C12orf75: variants seen among roughly 807,000 people sequenced by gnomAD.
The protein encoded by C12orf75 is overexpressed in colon carcinoma 1 protein.
A neutral mutation model predicts 11.4 loss-of-function variants in C12orf75; 4 were observed. The observed-to-expected ratio is 0.35, with a 90% CI of 0.17 to 0.80. The LOEUF is 0.80. C12orf75 is among the 30% of genes least tolerant of loss of function. C12orf75 has a pLI of 0.52. For missense variants in C12orf75, 89 were observed against 80.4 expected (o/e 1.11, Z -0.41); for synonymous variants, 30 against 30.0 (o/e 1.00, Z 0.00).
At chr12:105,361,219 T>C (rs1211682541) in intron 2 of C12orf75, among the ~76,000 whole-genome samples, 1 of 152,134 alleles carries the variant, frequency 6.6e-6, no homozygotes, top group Non-Finnish European at 1.5e-5. Flanking sequence ...TCTGTGTTCT[T>C]AGTAGAGATA....
At chr12:105,334,125 G>T (rs7954485) in intron 1 of C12orf75, among the ~76,000 whole-genome samples, 27,844 of 152,154 alleles carry the variant, frequency 0.18, 2,890 homozygotes, top group Non-Finnish European at 0.24. Context: ...TAGTGAGATG[G>T]ATCAGCCCCT....
At chr12:105,337,183 G>A (rs1892508614) in intron 1 of C12orf75, among the ~76,000 whole-genome samples, 1 of 152,118 alleles carries the variant, frequency 6.6e-6, no homozygotes, top group Non-Finnish European at 1.5e-5. Flanking sequence ...AATTAACCAG[G>A]CGTGGTGGCG....
At chr12:105,342,283 T>G (rs916960303) in intron 1 of C12orf75, among the ~76,000 whole-genome samples, 1 of 151,956 alleles carries the variant, frequency 6.6e-6, no homozygotes, top group Admixed American at 6.5e-5. Flanking sequence ...GGGGGACGAA[T>G]GGAATGGGTT....
chr12:105,334,905 C>T (rs190697693), intron 1 of C12orf75, among the ~76,000 whole-genome samples: 273 of 152,304 alleles, frequency 1.8e-3, no homozygotes, highest in Non-Finnish European at 2.0e-3. Context: ...TTTATGTAAA[C>T]CAGAAAATCC....
intron 1 of C12orf75, among the ~76,000 whole-genome samples, chr12:105,341,003 C>T (rs1186904106): frequency 6.6e-6 from 1 of 152,124 alleles, no homozygotes; most frequent in East Asian, 1.9e-4. Context: ...TTCTGGCCTC[C>T]AGATCTATGA....
At chr12:105,357,912 A>G (rs1160190393) in intron 2 of C12orf75, among the ~76,000 whole-genome samples, 1 of 151,884 alleles carries the variant, frequency 6.6e-6, no homozygotes, top group Non-Finnish European at 1.5e-5. Flanking sequence ...TGGTGCGATC[A>G]TGACTCACTG....
At chr12:105,367,362 G>T in intron 4 of C12orf75, 110 bp from the exon 5 acceptor site, 1 of 420,886 alleles carries the variant, frequency 2.4e-6, no homozygotes, top group Non-Finnish European at 4.5e-6. Flanking sequence ...TGTACTTTGT[G>T]ATTTAGACTA....
chr12:105,366,426 TTA>T, intron 3 of C12orf75, 189 bp from the exon 4 acceptor site: 1 of 395,652 alleles, frequency 2.5e-6, no homozygotes, highest in East Asian at 3.7e-5. Flanking sequence ...TTTCTTTTTT[TTA>T]AAAAAAATAG....
At chr12:105,363,922 G>A (rs1017056988) in intron 2 of C12orf75, among the ~76,000 whole-genome samples, 4 of 152,130 alleles carry the variant, frequency 2.6e-5, no homozygotes, top group Admixed American at 6.5e-5. Context: ...AAGATATTGA[G>A]TAATTTAACA....
intron 1 of C12orf75, among the ~76,000 whole-genome samples, chr12:105,342,762 C>G (rs989798071): frequency 6.6e-6 from 1 of 152,218 alleles, no homozygotes; most frequent in African/African-American, 2.4e-5. Context: ...TCACTCATCA[C>G]TCAGGAAATT....
intron 1 of C12orf75, among the ~76,000 whole-genome samples, chr12:105,339,626 CT>C (rs1010773682): frequency 2.7e-5 from 4 of 150,486 alleles, no homozygotes; most frequent in East Asian, 1.9e-4. Flanking sequence ...TTCTTTCTTT[CT>C]TTTTTTTTGA....
rs1892410670 is a variant in C12orf75, at chr12:105,330,805, CG to C, written c.-83del. 1 of 1,203,018 alleles carries C rather than the reference CG, an allele frequency of 8.3e-7. No individual in the cohort carries two copies. The highest frequency in any genetic ancestry group is 1.6e-5 in the African/African-American group (1 of 63,222). The allele number at this position is 1,203,018 out of a possible 1,614,324, so 74.5% of individuals were successfully genotyped here. On this transcript the variant is annotated 5_prime_UTR_variant, in exon 1 of 6. Coordinates refer to ENST00000443585, the MANE Select transcript of C12orf75 (RefSeq NM_001145199.2). The stretch of plus-strand genomic sequence containing the variant: ...CTCGCGGCCCCGTCAGCCTCCCGCT[CG>C]GGGTGCGCCGCCCTTCGTCTGGGTC...
chr12:105,330,859 C>T lies in C12orf75; in HGVS notation c.-33C>T, dbSNP rs1892411872. 3.2e-6 allele frequency: 4 copies of T among 1,252,474 alleles called. No individual in the cohort carries two copies. Among genetic ancestry groups the T allele is most frequent in the East Asian group, 3.2e-5 (1 of 31,014 alleles). The allele number at this position is 1,252,474 out of a possible 1,614,324, so 77.6% of individuals were successfully genotyped here. ...CGCCCCCAGGACCCGCGGCCGAGAG[C>T]TCCGGAGCGCGGCTTCCCCGGCCGG... On this transcript the variant is annotated 5_prime_UTR_variant, in exon 1 of 6. Transcript: ENST00000443585.
At chr12:105,356,439 C>CTTTTTTTTT (rs77310165) in intron 2 of C12orf75, among the ~76,000 whole-genome samples, 171 of 106,288 alleles carry the variant, frequency 1.6e-3, no homozygotes, top group Non-Finnish European at 2.6e-3. Context: ...AGACTACAGG[C>CTTTTTTTTT]TTTTTTTTTT....
chr12:105,347,499 G>C (rs563409825), intron 1 of C12orf75, among the ~76,000 whole-genome samples: 1 of 152,336 alleles, frequency 6.6e-6, no homozygotes, highest in South Asian at 2.1e-4. Flanking sequence ...GAAGAACATG[G>C]AGTCCGATAT....
chr12:105,333,557 G>A (rs1892463905), intron 1 of C12orf75, among the ~76,000 whole-genome samples: 1 of 152,152 alleles, frequency 6.6e-6, no homozygotes, highest in Admixed American at 6.5e-5. Flanking sequence ...ATTGTAGAAA[G>A]GGTGCTGAAC....
At chr12:105,334,471 G>C (rs1892475722) in intron 1 of C12orf75, among the ~76,000 whole-genome samples, 1 of 152,232 alleles carries the variant, frequency 6.6e-6, no homozygotes, top group East Asian at 1.9e-4. Flanking sequence ...ATGGAAATGT[G>C]AGAGGCATTT....
intron 5 of C12orf75, 45 bp downstream of exon 5, chr12:105,367,554 GATGA>G: frequency 4.0e-6 from 2 of 497,572 alleles, no homozygotes; most frequent in African/African-American, 2.0e-5. Flanking sequence ...TAGACTTATT[GATGA>G]ATGGACTGTA....
At chr12:105,348,807 C>G (rs1892674433) in intron 2 of C12orf75, among the ~76,000 whole-genome samples, 181 bp downstream of exon 2, 1 of 152,162 alleles carries the variant, frequency 6.6e-6, no homozygotes. Flanking sequence ...GTTCTTTGTG[C>G]TTTTCATTAG....
Sources: gnomAD v4.1 joint callset for allele counts (sites outside exome capture counted in the v4.1 genomes callset) on GRCh38, gnomAD v4.1.1 for gene constraint, MANE v1.5 for transcripts, NCBI Gene and HGNC (gene_info 2026-07-23, HGNC 2026-07-21) for gene names.